FSTL4: variants seen among roughly 807,000 people sequenced by gnomAD.
FSTL4 encodes follistatin-related protein 4.
Under a neutral mutation model 78.2 loss-of-function variants are expected in FSTL4, and 28 were observed. The observed-to-expected ratio is 0.36, with a 90% CI of 0.27 to 0.49. The LOEUF (loss-of-function observed/expected upper bound fraction) is 0.49, where lower values mean the gene tolerates loss of function less well. Ranked by LOEUF, FSTL4 falls within the 20% of genes least tolerant of loss-of-function variation. FSTL4 has a pLI of 0.98. For missense variants in FSTL4, 922 were observed against 1,084.9 expected (o/e 0.85, Z 2.11); for synonymous variants, 422 against 440.5 (o/e 0.96, Z 0.53).
Position 133,264,968 on chromosome 5 carries a change from C to T in FSTL4, c.728-15392G>A, listed in dbSNP as rs192646150. Among the ~76,000 whole-genome samples the T allele has an allele frequency of 1.2e-3, 184 of 152,290 alleles. No individual in the cohort carries two copies. The Middle Eastern group carries it at 0.017, about 14-fold the overall frequency. On this transcript the variant is annotated intron_variant, in intron 6 of 15. Coordinates refer to ENST00000265342, the MANE Select transcript of FSTL4 (RefSeq NM_015082.2). Reference sequence around the variant, plus strand: ...TTTAGGGATGAATGAACCAAAATCTCGTCCACTCTCCCCATCTTAACAATT... The same window carrying T: ...TTTAGGGATGAATGAACCAAAATCTTGTCCACTCTCCCCATCTTAACAATT...
chr5:133,255,026 CTGGCTCCTGGCTG>C (rs1426959032), intron 6 of FSTL4, among the ~76,000 whole-genome samples: 2 of 152,232 alleles, frequency 1.3e-5, no homozygotes, highest in African/African-American at 4.8e-5. Flanking sequence ...AGTGGTCCTT[CTGGCTCCTGGCTG>C]TGGCTCCAAT....
At chr5:133,561,077 A>G (rs1428695281) in intron 3 of FSTL4, among the ~76,000 whole-genome samples, 1 of 147,374 alleles carries the variant, frequency 6.8e-6, no homozygotes, top group Non-Finnish European at 1.5e-5. Context: ...TGACTGAGTG[A>G]CACTCGGACT....
At chr5:133,545,986 G>A (rs747268549) in intron 3 of FSTL4, among the ~76,000 whole-genome samples, 10 of 152,248 alleles carry the variant, frequency 6.6e-5, no homozygotes, top group African/African-American at 1.7e-4. Context: ...GCTACATTGT[G>A]TTCATGCCCT....
rs968931553 is a variant in FSTL4 at position 133,525,715 on chromosome 5, G to A, written c.160+41471C>T. Among the ~76,000 whole-genome samples the A allele has an allele frequency of 5.8e-4, 89 of 152,326 alleles. 1 individual carries two copies. Among genetic ancestry groups the A allele is most frequent in the African/African-American group, 2.1e-3 (88 of 41,564 alleles). ...GAGTAAAAGCATCAAGAATTCCAGA[G>A]TTCACAGAACCTGTGCACAAGCCCT... On this transcript the variant is annotated intron_variant, in intron 3 of 15. Transcript: ENST00000265342.
At chr5:133,750,957 G>A in the FSTL4 span, among the ~76,000 whole-genome samples, 5 of 151,996 alleles carry the variant, frequency 3.3e-5, no homozygotes, top group African/African-American at 4.8e-5. Flanking sequence ...CAGTACTCCA[G>A]TGGGCCACTC....
chr5:133,285,966 G>T (rs923499963), intron 6 of FSTL4, among the ~76,000 whole-genome samples: 3 of 152,234 alleles, frequency 2.0e-5, no homozygotes, highest in African/African-American at 4.8e-5. Flanking sequence ...GGCCCCACCT[G>T]CCAGGGCACC....
At chr5:133,518,330 G>A (rs777807948) in intron 3 of FSTL4, among the ~76,000 whole-genome samples, 1 of 152,008 alleles carries the variant, frequency 6.6e-6, no homozygotes, top group Non-Finnish European at 1.5e-5. Context: ...AAAAGACAAG[G>A]AGTAGTCAAA....
intron 7 of FSTL4, chr5:133,247,316 G>T (rs962598209): frequency 2.0e-5 from 3 of 152,220 alleles, no homozygotes; most frequent in African/African-American, 7.2e-5. Flanking sequence ...ATGCAATTGA[G>T]TTGGTGCTGG....
chr5:133,451,078 T>A (rs1457000926), intron 3 of FSTL4, among the ~76,000 whole-genome samples: 9 of 152,194 alleles, frequency 5.9e-5, no homozygotes, highest in African/African-American at 2.2e-4. Flanking sequence ...GGGAGTTAGA[T>A]CTGGGCCTAA....
At chr5:133,617,549 T>A in the FSTL4 span, among the ~76,000 whole-genome samples, 2 of 152,174 alleles carry the variant, frequency 1.3e-5, no homozygotes, top group Admixed American at 1.3e-4. Flanking sequence ...TCTACGGAGA[T>A]GCAGTGCCCC....
At chr5:133,282,486 T>C (rs909655632) in intron 6 of FSTL4, among the ~76,000 whole-genome samples, 3 of 152,188 alleles carry the variant, frequency 2.0e-5, no homozygotes, top group African/African-American at 7.2e-5. Flanking sequence ...AAATATGTAA[T>C]TGGAAAACTC....
the FSTL4 span, among the ~76,000 whole-genome samples, chr5:133,726,336 G>A: frequency 6.6e-6 from 1 of 152,158 alleles, no homozygotes; most frequent in African/African-American, 2.4e-5. Flanking sequence ...AGACGCCATC[G>A]ACTCTGAGCA....
intron 6 of FSTL4, among the ~76,000 whole-genome samples, chr5:133,295,648 G>A (rs1390636045): frequency 2.0e-5 from 3 of 152,070 alleles, no homozygotes; most frequent in African/African-American, 2.4e-5. Context: ...CTTTCAAGCC[G>A]AAGACCTCCA....
At chr5:133,243,002 T>C (rs902595351) in intron 7 of FSTL4, among the ~76,000 whole-genome samples, 12 of 152,234 alleles carry the variant, frequency 7.9e-5, no homozygotes, top group Admixed American at 4.6e-4. Flanking sequence ...TAAATCATTT[T>C]CTTTTGGTCT....
chr5:133,821,588 T>C, the FSTL4 span, among the ~76,000 whole-genome samples: 2 of 152,178 alleles, frequency 1.3e-5, no homozygotes, highest in Non-Finnish European at 2.9e-5. Context: ...TGGCAGTGTG[T>C]GTGCTCAGGG....
At chr5:133,377,426 G>A (rs1755462609) in intron 4 of FSTL4, among the ~76,000 whole-genome samples, 1 of 150,002 alleles carries the variant, frequency 6.7e-6, no homozygotes, top group Non-Finnish European at 1.5e-5. Flanking sequence ...TTTTGGCCAT[G>A]GGGCGAGACA....
At chr5:133,403,586 A>C (rs1756287585) in intron 3 of FSTL4, among the ~76,000 whole-genome samples, 1 of 152,160 alleles carries the variant, frequency 6.6e-6, no homozygotes. Context: ...AGGGGCTCGG[A>C]TGGGGAGGGT....
At chr5:133,446,316 T>G (rs1757264391) in intron 3 of FSTL4, among the ~76,000 whole-genome samples, 1 of 152,236 alleles carries the variant, frequency 6.6e-6, no homozygotes, top group Non-Finnish European at 1.5e-5. Context: ...GGCAGGCACC[T>G]GTAATCCCAG....
rs1750266494 is a variant in FSTL4 at position 133,199,863 on chromosome 5, AC to A, written c.1827-67del. On this transcript the variant is annotated intron_variant, in intron 15 of 15. Transcript: ENST00000265342. This position sits in a 1 kb window ranked among gnomAD's most constrained non-coding sequence, Gnocchi z 4.4. ...GTGGGGAATCTGTCATTTGTCTTAA[AC>A]AATTACATCCTCTGCCTTTTCCCTT... is the stretch of plus-strand genomic sequence containing the variant. 4.7e-5 allele frequency: 35 copies of A among 749,464 alleles called. No homozygotes were observed. Among genetic ancestry groups the A allele is most frequent in the Non-Finnish European group, 7.1e-5 (32 of 448,606 alleles). The allele number at this position is 749,464 out of a possible 1,614,324, so 46.4% of individuals were successfully genotyped here. A position where few individuals can be genotyped will look rare whatever the true frequency, so the allele number is the denominator to read the frequency against.
Sources: allele counts gnomAD v4.1 joint callset (sites outside exome capture counted in the v4.1 genomes callset), GRCh38; gene constraint gnomAD v4.1.1; non-coding constraint Gnocchi (gnomAD v3.1); transcripts MANE v1.5; gene names NCBI Gene and HGNC (gene_info 2026-07-23, HGNC 2026-07-21).